LY96: variants seen among roughly 807,000 people sequenced by gnomAD.
LY96 encodes the protein lymphocyte antigen 96, also known as myeloid differentiation protein-2.
Under a neutral mutation model 18.9 loss-of-function variants are expected in LY96, and 18 were observed. That is an observed-to-expected ratio of 0.95 (90% confidence interval 0.66 to 1.41). The LOEUF is 1.41. Among genes scored for constraint, LY96 ranks in the 40% most tolerant of loss-of-function variants. LY96 has a pLI of 0.00. For missense variants in LY96, 175 were observed against 182.4 expected, an observed-to-expected ratio of 0.96 and a Z score of 0.23; for synonymous variants, 66 against 62.6, an observed-to-expected ratio of 1.06 and a Z score of -0.26.
intron 3 of LY96, among the ~76,000 whole-genome samples, chr8:74,020,267 C>T (rs969144539): frequency 2.0e-5 from 3 of 152,132 alleles, no homozygotes; most frequent in Admixed American, 6.6e-5. Context: ...CATTCCTATA[C>T]ACCAATAACA....
At chr8:73,992,836 C>G (rs1340546904) in intron 1 of LY96, among the ~76,000 whole-genome samples, 1 of 141,782 alleles carries the variant, frequency 7.1e-6, no homozygotes, top group Admixed American at 7.3e-5. Flanking sequence ...AATTATGCCA[C>G]TGTGTGTGTG....
At chr8:74,074,001 G>A in the LY96 span, among the ~76,000 whole-genome samples, 1 of 149,704 alleles carries the variant, frequency 6.7e-6, no homozygotes, top group Non-Finnish European at 1.5e-5. Context: ...TTTATTTTTG[G>A]TTTTGTTTGT....
At chr8:74,069,606 ATTTG>A in the LY96 span, among the ~76,000 whole-genome samples, 4 of 151,384 alleles carry the variant, frequency 2.6e-5, no homozygotes, top group South Asian at 2.1e-4. Context: ...ATTTATTTTT[ATTTG>A]TTTGTTTTTT....
At chr8:73,998,493 T>G (rs1338151635) in intron 1 of LY96, among the ~76,000 whole-genome samples, 1 of 151,734 alleles carries the variant, frequency 6.6e-6, no homozygotes, top group Non-Finnish European at 1.5e-5. Context: ...CTAAGCAACA[T>G]AGTGAGGCCC....
At position 74,007,090 on chromosome 8, in the gene LY96, T is replaced by C. The variant is rs543092932; in HGVS notation, c.202+2205T>C. Among the ~76,000 whole-genome samples, 15 of 152,248 alleles carry C rather than the reference T, an allele frequency of 9.9e-5. No individual in the cohort carries two copies. The South Asian group carries it at 1.2e-3, about 13-fold the overall frequency. ...ACCAGAATGCATCCCTGAGACACTC[T>C]TGGGCTGGGCCAAATAGGAAGCCCC... is the stretch of plus-strand genomic sequence containing the variant. On this transcript the variant is annotated intron_variant, in intron 2 of 4. Coordinates refer to ENST00000284818, the MANE Select transcript of LY96 (RefSeq NM_015364.5).
rs150492585 is a variant in LY96 at position 73,994,716 on chromosome 8, G to T, written c.112+3162G>T. 1.4e-3 allele frequency among the ~76,000 whole-genome samples: 211 copies of T among 152,244 alleles called. 2 individuals carry two copies. In the East Asian group the frequency reaches 0.016, roughly 11 times the overall value. ...TGTCCATGCTGGTTTTGAACTCCTG[G>T]TCTCAAGCAATCTTCCTGCCTCAGC... On this transcript the variant is annotated intron_variant, in intron 1 of 4. Transcript: ENST00000284818.
At chr8:74,096,178 G>A in the LY96 span, among the ~76,000 whole-genome samples, 1 of 152,146 alleles carries the variant, frequency 6.6e-6, no homozygotes, top group Non-Finnish European at 1.5e-5. Context: ...TCCCTTGCAT[G>A]GATTCTTGCA....
chr8:73,992,917 C>T (rs192492675), intron 1 of LY96, among the ~76,000 whole-genome samples: 277 of 150,640 alleles, frequency 1.8e-3, no homozygotes, highest in African/African-American at 6.4e-3. Flanking sequence ...TGCAGTGGCG[C>T]GATTTCGGCT....
At chr8:74,022,102 G>A (rs55917243) in intron 3 of LY96, among the ~76,000 whole-genome samples, 27,278 of 151,930 alleles carry the variant, frequency 0.18, 2,780 homozygotes, top group African/African-American at 0.29. Context: ...AGAATGGAAG[G>A]TATGAGCAAG....
intron 1 of LY96, among the ~76,000 whole-genome samples, chr8:74,000,829 C>G (rs1278450835): frequency 1.3e-5 from 2 of 152,188 alleles, no homozygotes; most frequent in Non-Finnish European, 2.9e-5. Flanking sequence ...TAGCAATGGT[C>G]TTCTTGCTGC....
intron 1 of LY96, 41 bp from the exon 2 acceptor site, chr8:74,004,755 G>T: frequency 6.7e-7 from 1 of 1,492,574 alleles, no homozygotes; most frequent in South Asian, 1.1e-5. Context: ...TAATGGAGAT[G>T]ATTTGTAGTA....
chr8:74,082,320 T>A, the LY96 span, among the ~76,000 whole-genome samples: 1 of 152,222 alleles, frequency 6.6e-6, no homozygotes, highest in Non-Finnish European at 1.5e-5. Flanking sequence ...TGGTTGAGCA[T>A]GTTCCTAGAT....
Position 74,010,132 on chromosome 8 carries a change from A to G in LY96, c.331+3A>G, listed in dbSNP as rs1304178981. The stretch of plus-strand genomic sequence containing the variant: ...TTTTTGCAGAGCTCTGAAGGGAGGT[A>G]AGTATTCAGTTCATATTACTTTTAG... On this transcript the variant is annotated splice_donor_region_variant and intron_variant, in intron 3 of 4. Transcript: ENST00000284818. 2 of 1,611,444 alleles carry G rather than the reference A, an allele frequency of 1.2e-6. No individual in the cohort carries two copies. Among genetic ancestry groups the G allele is most frequent in the East Asian group, 2.2e-5 (1 of 44,738 alleles).
chr8:74,092,312 C>T, the LY96 span, among the ~76,000 whole-genome samples: 1 of 152,132 alleles, frequency 6.6e-6, no homozygotes, highest in Non-Finnish European at 1.5e-5. Flanking sequence ...CCCACATTGC[C>T]CCCTTTAGCT....
the LY96 span, among the ~76,000 whole-genome samples, chr8:74,080,106 C>T: frequency 9.9e-5 from 15 of 152,100 alleles, no homozygotes; most frequent in African/African-American, 3.4e-4. Context: ...GCGTACATTG[C>T]AGATGATGTT....
the LY96 span, among the ~76,000 whole-genome samples, chr8:74,083,879 G>T: frequency 6.6e-6 from 1 of 151,772 alleles, no homozygotes; most frequent in Non-Finnish European, 1.5e-5. Flanking sequence ...TAGAGATGGG[G>T]TCTCACTATG....
At chr8:74,095,977 C>T in the LY96 span, among the ~76,000 whole-genome samples, 1 of 152,310 alleles carries the variant, frequency 6.6e-6, no homozygotes, top group Middle Eastern at 3.4e-3. Flanking sequence ...GCTTTCCTTG[C>T]CTTCTTTCAC....
At chr8:74,020,921 A>C (rs1287987813) in intron 3 of LY96, among the ~76,000 whole-genome samples, 2 of 152,244 alleles carry the variant, frequency 1.3e-5, no homozygotes, top group African/African-American at 4.8e-5. Flanking sequence ...AAATTAATTC[A>C]AGATGGATTA....
chr8:74,058,575 A>T, the LY96 span, among the ~76,000 whole-genome samples: 272 of 149,762 alleles, frequency 1.8e-3, no homozygotes, highest in Non-Finnish European at 1.2e-3. Flanking sequence ...GCTGGAAGGC[A>T]GTGGCGCAAT....
Sources: allele counts gnomAD v4.1 joint callset (sites outside exome capture counted in the v4.1 genomes callset), GRCh38; gene constraint gnomAD v4.1.1; transcripts MANE v1.5; gene names NCBI Gene and HGNC (gene_info 2026-07-23, HGNC 2026-07-21).